NCOR2: variants seen among roughly 807,000 people sequenced by gnomAD.
NCOR2 encodes CTG repeat protein 26.
Under a neutral mutation model 262.9 loss-of-function variants are expected in NCOR2, and 81 were observed. The ratio of observed to expected loss-of-function variants is 0.31; its 90% CI spans 0.26 to 0.37. The LOEUF is 0.37. Among genes scored for constraint, NCOR2 ranks in the 10% least tolerant of loss-of-function variants. The pLI is 1.00. For missense variants in NCOR2, 3,385 were observed against 3,621.4 expected, an observed-to-expected ratio of 0.93 and a Z score of 1.68; for synonymous variants, 1,659 against 1,559.3, an observed-to-expected ratio of 1.06 and a Z score of -1.51.
intron 16 of NCOR2, among the ~76,000 whole-genome samples, chr12:124,391,491 C>G (rs1256739321): frequency 3.7e-5 from 3 of 81,072 alleles, no homozygotes; most frequent in African/African-American, 1.1e-4. Flanking sequence ...TTCAGAAACC[C>G]CAAGCCCTGG....
chr12:124,431,805 G>A (rs1301455454), intron 8 of NCOR2, among the ~76,000 whole-genome samples: 2 of 149,640 alleles, frequency 1.3e-5, no homozygotes, highest in Non-Finnish European at 3.0e-5. Flanking sequence ...AGATACACAG[G>A]CAGACAGACA....
At chr12:124,421,259 T>C (rs1452483100) in intron 12 of NCOR2, among the ~76,000 whole-genome samples, 2 of 152,220 alleles carry the variant, frequency 1.3e-5, no homozygotes, top group Non-Finnish European at 2.9e-5. Context: ...TACTGAAGCC[T>C]TGTCCTGGGC....
intron 1 of NCOR2, among the ~76,000 whole-genome samples, chr12:124,520,987 GCCCCAGGCAAGGC>G (rs1352915361): frequency 2.0e-5 from 3 of 152,190 alleles, no homozygotes; most frequent in Non-Finnish European, 2.9e-5. Flanking sequence ...AAGCTGAGTG[GCCCCAGGCAAGGC>G]CCCCAGCCTC....
intron 41 of NCOR2, 65 bp downstream of exon 43, chr12:124,334,359 G>T: frequency 1.6e-6 from 2 of 1,242,222 alleles, no homozygotes; most frequent in Non-Finnish European, 2.3e-6. Context: ...CCAGCTCTGA[G>T]GCAGGCAGCT....
chr12:124,443,608 T>C lies in NCOR2; in HGVS notation c.816-5612A>G, dbSNP rs1222159504. Among the ~76,000 whole-genome samples, 13 of 152,148 alleles carry C rather than the reference T, an allele frequency of 8.5e-5. No individual in the cohort carries two copies. The highest frequency in any genetic ancestry group is 9.7e-5 in the African/African-American group (4 of 41,430). On this transcript the variant is annotated intron_variant, in intron 7 of 46. Transcript: ENST00000405201. The surrounding 1 kb of genome is among the most constrained non-coding windows in gnomAD (Gnocchi z 4.4). ...ACCTCTGCCTCCCGGGTTCAAGTGA[T>C]TGTCCTGCCTCAGCCTCCCAAGTAA... is the stretch of plus-strand genomic sequence containing the variant.
chr12:124,340,542 TC>T, intron 35 of NCOR2, 59 bp downstream of exon 37: 10 of 1,532,984 alleles, frequency 6.5e-6, no homozygotes, highest in Non-Finnish European at 8.7e-6. Context: ...TGCCCGCCCA[TC>T]CCCCAGCCGC....
chr12:124,370,028 C>G (rs532784315), intron 20 of NCOR2, among the ~76,000 whole-genome samples: 2 of 152,298 alleles, frequency 1.3e-5, no homozygotes, highest in South Asian at 2.1e-4. Flanking sequence ...GGTCCCCCGG[C>G]GAAGGCAGAA....
chr12:124,358,563 C>G (rs1211775873), intron 22 of NCOR2, among the ~76,000 whole-genome samples: 1 of 152,184 alleles, frequency 6.6e-6, no homozygotes, highest in Non-Finnish European at 1.5e-5. Context: ...CTCCATGAGC[C>G]TCCGGTTAAG....
At chr12:124,441,134 C>T (rs2044778736) in intron 7 of NCOR2, among the ~76,000 whole-genome samples, 1 of 152,212 alleles carries the variant, frequency 6.6e-6, no homozygotes, top group African/African-American at 2.4e-5. Flanking sequence ...CACAGCAGCA[C>T]CCATATCTCA....
chr12:124,371,202 C>A (rs1468691016), intron 20 of NCOR2, among the ~76,000 whole-genome samples: 1 of 150,456 alleles, frequency 6.6e-6, no homozygotes, highest in Non-Finnish European at 1.5e-5. Flanking sequence ...CCCCCACCCC[C>A]GTGAGAGCTG....
At chr12:124,479,272 A>G (rs111560753) in intron 3 of NCOR2, among the ~76,000 whole-genome samples, 2 of 151,708 alleles carry the variant, frequency 1.3e-5, no homozygotes, top group African/African-American at 4.8e-5. Context: ...ACACACGCAC[A>G]CATGCATATA....
Position 124,386,598 on chromosome 12 carries a change from A to G in NCOR2, c.1877-711T>C, listed in dbSNP as rs190265843. ...ACAACCAGGAGGTTCTCTCAGCCTCACAGACCTCCTGCTGTGGGAAGAGAC... is the reference window on the plus strand; with the variant it reads ...ACAACCAGGAGGTTCTCTCAGCCTCGCAGACCTCCTGCTGTGGGAAGAGAC... On this transcript the variant is annotated intron_variant, in intron 16 of 46. Transcript: ENST00000405201. Among the ~76,000 whole-genome samples the G allele has an allele frequency of 3.5e-4, 53 of 152,278 alleles. No homozygotes were observed. The East Asian group carries it at 9.5e-3, about 27-fold the overall frequency.
intron 1 of NCOR2, among the ~76,000 whole-genome samples, chr12:124,509,589 T>C (rs1315779851): frequency 6.6e-6 from 1 of 152,046 alleles, no homozygotes; most frequent in Non-Finnish European, 1.5e-5. Flanking sequence ...CCCTTATCCA[T>C]GTAGGTGAGG....
At chr12:124,393,200 C>A (rs1440250613) in intron 16 of NCOR2, among the ~76,000 whole-genome samples, 1 of 152,188 alleles carries the variant, frequency 6.6e-6, no homozygotes, top group African/African-American at 2.4e-5. Context: ...CCAGGGGAAC[C>A]GAGTCCCTCA....
chr12:124,537,075 G>C (rs2051136261), upstream of NCOR2, among the ~76,000 whole-genome samples: 1 of 152,146 alleles, frequency 6.6e-6, no homozygotes. Context: ...AGGATTCTGG[G>C]GAAGACAAAA....
At chr12:124,401,072 G>A (rs146987242) in intron 14 of NCOR2, among the ~76,000 whole-genome samples, 10 of 152,214 alleles carry the variant, frequency 6.6e-5, no homozygotes, top group East Asian at 3.9e-4. Context: ...TTAGCCAGGC[G>A]TGGTGGCATA....
At chr12:124,430,146 C>T (rs1236318439) in intron 9 of NCOR2, among the ~76,000 whole-genome samples, 2 of 152,200 alleles carry the variant, frequency 1.3e-5, no homozygotes, top group African/African-American at 4.8e-5. Context: ...GTGTTGTTAT[C>T]ATTACCAATG....
chr12:124,463,219 G>A (rs1298665851), intron 5 of NCOR2, among the ~76,000 whole-genome samples: 2 of 152,244 alleles, frequency 1.3e-5, no homozygotes, highest in African/African-American at 4.8e-5. Context: ...GGAACCAACA[G>A]GCTCCTACCT....
chr12:124,363,593 C>T (rs1303288511), intron 21 of NCOR2, 86 bp downstream of exon 23: 2 of 1,221,494 alleles, frequency 1.6e-6, no homozygotes, highest in Non-Finnish European at 2.1e-6. Context: ...CAGGTGCATG[C>T]TCCCGCCCGT....
Sources: allele counts gnomAD v4.1 joint callset (sites outside exome capture counted in the v4.1 genomes callset), GRCh38; gene constraint gnomAD v4.1.1; non-coding constraint Gnocchi (gnomAD v3.1); transcripts MANE v1.5; gene names NCBI Gene and HGNC (gene_info 2026-07-23, HGNC 2026-07-21).